MBP: variants seen among roughly 807,000 people sequenced by gnomAD.
MBP encodes Golli-MBP.
In MBP, 16 loss-of-function variants were observed where a neutral mutation model predicts 35.8. The ratio of observed to expected loss-of-function variants is 0.45; its 90% CI spans 0.30 to 0.68. The LOEUF (loss-of-function observed/expected upper bound fraction) is 0.68. Among genes scored for constraint, MBP ranks in the 30% least tolerant of loss-of-function variants. The pLI, the probability that MBP is intolerant of heterozygous loss-of-function variation, is 0.08. For synonymous variants in MBP, 143 were observed against 159.6 expected (o/e 0.90, Z 0.78); for missense variants, 380 against 404.7 (o/e 0.94, Z 0.52).
intron 1 of MBP, among the ~76,000 whole-genome samples, chr18:77,117,391 T>C (rs2145195958): frequency 6.6e-6 from 1 of 152,322 alleles, no homozygotes; most frequent in East Asian, 1.9e-4. Context: ...CATGATATTT[T>C]TGGGCCTAAA....
chr18:76,983,783 G>C (rs1018025082), intron 8 of MBP: 8 of 152,290 alleles, frequency 5.3e-5, no homozygotes, highest in Admixed American at 2.0e-4. Flanking sequence ...CACTCACCAA[G>C]GACGCGGGGG....
intron 2 of MBP, among the ~76,000 whole-genome samples, chr18:77,088,280 C>T (rs746926696): frequency 9.9e-5 from 15 of 152,170 alleles, no homozygotes; most frequent in Non-Finnish European, 1.9e-4. Flanking sequence ...CTTCCAGCTG[C>T]GTCCACGTCC....
intron 1 of MBP, among the ~76,000 whole-genome samples, chr18:77,111,282 A>G (rs1976442398): frequency 6.6e-6 from 1 of 152,124 alleles, no homozygotes; most frequent in African/African-American, 2.4e-5. Context: ...GAAGGCAACT[A>G]AGGGAAACGC....
intron 3 of MBP, among the ~76,000 whole-genome samples, chr18:77,064,736 A>C (rs965928501): frequency 3.2e-4 from 49 of 152,234 alleles, no homozygotes; most frequent in African/African-American, 1.2e-3. Context: ...ATAAGCAAAG[A>C]TCATGCTAGG....
intron 3 of MBP, among the ~76,000 whole-genome samples, chr18:77,052,326 A>C (rs1973521273): frequency 6.6e-6 from 1 of 152,158 alleles, no homozygotes; most frequent in Non-Finnish European, 1.5e-5. Flanking sequence ...CAGCATCCCG[A>C]TCGGGGGGGT....
At chr18:77,087,512 G>A (rs1299914093) in intron 2 of MBP, 2 of 152,318 alleles carry the variant, frequency 1.3e-5, no homozygotes, top group African/African-American at 4.8e-5. Context: ...CGGAGCCAAA[G>A]CGCAGAGGCC....
chr18:77,075,344 C>G (rs1974608625), intron 2 of MBP, among the ~76,000 whole-genome samples: 1 of 152,342 alleles, frequency 6.6e-6, no homozygotes, highest in South Asian at 2.1e-4. Context: ...AGAAAACACT[C>G]TTACTCCTCT....
chr18:77,091,412 TTA>T (rs1410440515), intron 2 of MBP, among the ~76,000 whole-genome samples: 17 of 152,194 alleles, frequency 1.1e-4, no homozygotes, highest in African/African-American at 3.4e-4. Flanking sequence ...TTATTTATAA[TTA>T]TATGATAATT....
chr18:77,057,618 T>C (rs1973774921), intron 3 of MBP, among the ~76,000 whole-genome samples: 2 of 152,196 alleles, frequency 1.3e-5, no homozygotes, highest in African/African-American at 2.4e-5. Context: ...GAATTTTACA[T>C]CGGAAATGAC....
intron 3 of MBP, among the ~76,000 whole-genome samples, chr18:77,059,571 A>C (rs1973882461): frequency 6.6e-6 from 1 of 151,896 alleles, no homozygotes; most frequent in South Asian, 2.1e-4. Context: ...AATTAATCAA[A>C]TTTGACATAT....
At chr18:77,061,941 G>A (rs1170229863) in intron 3 of MBP, among the ~76,000 whole-genome samples, 3 of 152,324 alleles carry the variant, frequency 2.0e-5, no homozygotes, top group South Asian at 4.1e-4. Context: ...GCCCTTACAT[G>A]CTGTGCACAC....
intron 2 of MBP, among the ~76,000 whole-genome samples, chr18:77,096,189 A>T (rs1975750272): frequency 6.6e-6 from 1 of 152,238 alleles, no homozygotes; most frequent in Non-Finnish European, 1.5e-5. Context: ...GTTTTAAAGG[A>T]AAAGCATTTT....
intron 7 of MBP, chr18:76,986,108 C>T (rs1013572229): frequency 1.3e-4 from 126 of 985,412 alleles, no homozygotes; most frequent in Non-Finnish European, 4.0e-5. Flanking sequence ...AAGTGTCCTC[C>T]CACGGTGGGT....
intron 3 of MBP, among the ~76,000 whole-genome samples, chr18:77,052,304 A>G (rs1433602682): frequency 3.3e-5 from 5 of 152,244 alleles, no homozygotes; most frequent in African/African-American, 4.8e-5. Flanking sequence ...CCCAACAGAC[A>G]TAAGTGATCA....
At chr18:77,068,176 G>A (rs1974282406) in intron 2 of MBP, among the ~76,000 whole-genome samples, 1 of 152,142 alleles carries the variant, frequency 6.6e-6, no homozygotes, top group Non-Finnish European at 1.5e-5. Flanking sequence ...AAAAACACAC[G>A]GGTTATTGGA....
At chr18:77,050,816 G>C (rs1973458962) in intron 3 of MBP, among the ~76,000 whole-genome samples, 1 of 152,182 alleles carries the variant, frequency 6.6e-6, no homozygotes. Flanking sequence ...AAAGTGCTGG[G>C]ATTACAGGCG....
chr18:77,015,918 C>T, intron 4 of MBP: 2 of 985,448 alleles, frequency 2.0e-6, no homozygotes, highest in Non-Finnish European at 2.4e-6. Context: ...GGCAGAAAAA[C>T]AGCTTCATCT....
chr18:77,026,672 C>A (rs879416440), intron 3 of MBP, among the ~76,000 whole-genome samples: 1 of 151,792 alleles, frequency 6.6e-6, no homozygotes, highest in Non-Finnish European at 1.5e-5. Context: ...TTGAGACAAC[C>A]CTGAGCAACG....
At chr18:77,126,296 T>TACCATGGATATG (rs1205380831) in intron 1 of MBP, among the ~76,000 whole-genome samples, 1 of 152,196 alleles carries the variant, frequency 6.6e-6, no homozygotes, top group Non-Finnish European at 1.5e-5. Flanking sequence ...CTATCCATCA[T>TACCATGGATATG]ACCATGAAGT....
Sources: gnomAD v4.1 joint callset for allele counts (sites outside exome capture counted in the v4.1 genomes callset) on GRCh38, gnomAD v4.1.1 for gene constraint, MANE v1.5 for transcripts, NCBI Gene and HGNC (gene_info 2026-07-23, HGNC 2026-07-21) for gene names.